Variants in SNRNP70 observed in about 807,000 individuals in gnomAD.
SNRNP70 encodes small nuclear ribonucleoprotein U1 subunit 70, also known as U1 small nuclear ribonucleoprotein 70 kDa.
A neutral mutation model predicts 50.5 loss-of-function variants in SNRNP70; 8 were observed. That is an observed-to-expected ratio of 0.16 (90% CI 0.09 to 0.29). The LOEUF is 0.29. SNRNP70 is among the 10% of genes least tolerant of loss of function. SNRNP70 has a pLI of 1.00. For missense variants in SNRNP70, 529 were observed against 663.5 expected (o/e 0.80, Z 2.23); for synonymous variants, 320 against 252.9 (o/e 1.27, Z -2.52).
chr19:49,100,430 C>T (rs535615942), intron 6 of SNRNP70, among the ~76,000 whole-genome samples: 5 of 152,302 alleles, frequency 3.3e-5, no homozygotes, highest in Admixed American at 1.3e-4. Flanking sequence ...CTGCCATCCT[C>T]GGGATGGGAC....
chr19:49,105,859 G>A (rs188471432), intron 8 of SNRNP70, among the ~76,000 whole-genome samples: 32 of 152,328 alleles, frequency 2.1e-4, no homozygotes, highest in African/African-American at 6.0e-4. Context: ...CTGGCCCAGC[G>A]CAGCAGGCCA....
At chr19:49,101,788 G>T (rs2040591271) in intron 7 of SNRNP70, 1 of 410,216 alleles carries the variant, frequency 2.4e-6, no homozygotes, top group Non-Finnish European at 4.6e-6. Context: ...TCGGATTTTG[G>T]GGGAACCTCC....
At chr19:49,106,233 C>T (rs1404100744) in intron 8 of SNRNP70, among the ~76,000 whole-genome samples, 3 of 152,104 alleles carry the variant, frequency 2.0e-5, no homozygotes, top group Non-Finnish European at 2.9e-5. Context: ...CCTGTTGGGG[C>T]GGGAAAATGC....
Position 49,086,385 on chromosome 19 carries a change from T to A in SNRNP70, c.-10-20T>A, listed in dbSNP as rs369615058. The A allele has an allele frequency of 1.8e-5, 29 of 1,607,792 alleles. No homozygotes were observed. Among genetic ancestry groups the A allele is most frequent in the African/African-American group, 1.3e-5 (1 of 74,848 alleles). Reference sequence around the variant, plus strand: ...GTGCAGACCCGATCTAACCTAAGGCTGTCCTGCTTCTGCTCTCAGACTTGG... The same window carrying A: ...GTGCAGACCCGATCTAACCTAAGGCAGTCCTGCTTCTGCTCTCAGACTTGG... On this transcript the variant is annotated intron_variant, in intron 1 of 9. Transcript: ENST00000598441.
intron 4 of SNRNP70, among the ~76,000 whole-genome samples, chr19:49,090,962 C>A (rs527877224): frequency 2.2e-4 from 34 of 152,246 alleles, no homozygotes; most frequent in Non-Finnish European, 2.9e-4. Context: ...ATAAGAGGGT[C>A]AGATGTCAAC....
chr19:49,086,948 G>T (rs2040388717), intron 2 of SNRNP70, among the ~76,000 whole-genome samples: 1 of 151,952 alleles, frequency 6.6e-6, no homozygotes, highest in African/African-American at 2.4e-5. Context: ...TACTTTGGGA[G>T]ACCGAGGCAG....
chr19:49,094,678 G>T (rs143902131), intron 4 of SNRNP70, among the ~76,000 whole-genome samples: 1 of 152,324 alleles, frequency 6.6e-6, no homozygotes, highest in East Asian at 1.9e-4. Context: ...CTGTGCCCTT[G>T]AGAGCCTCCA....
intron 4 of SNRNP70, 133 bp from the exon 5 acceptor site, chr19:49,098,294 C>T: frequency 1.4e-6 from 1 of 732,128 alleles, no homozygotes; most frequent in Non-Finnish European, 2.4e-6. Context: ...TGCCAGGTCA[C>T]CACCCATGTT....
intron 7 of SNRNP70, chr19:49,103,805 T>G (rs2040624780): frequency 6.6e-6 from 1 of 152,468 alleles, no homozygotes; most frequent in Admixed American, 6.6e-5. Flanking sequence ...AGTGAGCCTC[T>G]CCCCCGTCTC....
intron 2 of SNRNP70, 130 bp downstream of exon 2, chr19:49,086,691 G>T: frequency 1.2e-6 from 1 of 850,210 alleles, no homozygotes; most frequent in Non-Finnish European, 1.9e-6. Flanking sequence ...GTGATCCTCA[G>T]TTTCTCTGTT....
chr19:49,108,131 G>C lies in SNRNP70; in HGVS notation c.1002G>C (p.Glu334Asp). 2.6e-6 allele frequency: 4 copies of C among 1,545,204 alleles called. 1 individual carries two copies. In the South Asian group the frequency reaches 4.8e-5, roughly 19 times the overall value. ...DAPPDDGPPG[E>D]LGPDGPDGPE... ...CCCCTGATGATGGGCCTCCAGGGGA[G>C]CTCGGGCCTGACGGCCCTGACGGTC... The change falls in exon 10 of 10, where the codon GAG becomes GAC. Residue 334 changes from glutamate to aspartate, a missense_variant. Transcript: ENST00000598441.
chr19:49,101,194 A>C (rs1259143803), intron 6 of SNRNP70, among the ~76,000 whole-genome samples, 196 bp from the exon 7 acceptor site: 1 of 152,104 alleles, frequency 6.6e-6, no homozygotes, highest in Admixed American at 6.6e-5. Context: ...TCTTAGCTTA[A>C]GTGTCATTTT....
At chr19:49,100,382 A>G (rs556793071) in intron 6 of SNRNP70, among the ~76,000 whole-genome samples, 1 of 152,126 alleles carries the variant, frequency 6.6e-6, no homozygotes, top group South Asian at 2.1e-4. Context: ...GTGTGGCCTC[A>G]TGGACCTCCA....
intron 4 of SNRNP70, among the ~76,000 whole-genome samples, chr19:49,094,941 C>T (rs73046788): frequency 0.12 from 18,194 of 152,282 alleles, 1,337 homozygotes; most frequent in East Asian, 0.21. Flanking sequence ...CCACGACCCA[C>T]TTCCGTTGAG....
chr19:49,102,443 C>T (rs1159942090), intron 7 of SNRNP70: 4 of 284,072 alleles, frequency 1.4e-5, no homozygotes, highest in African/African-American at 2.2e-5. Flanking sequence ...TTCCACCCAG[C>T]CTCTGATGAC....
At chr19:49,102,846 G>C (rs2040607436) in intron 7 of SNRNP70, 2 of 152,716 alleles carry the variant, frequency 1.3e-5, no homozygotes, top group Admixed American at 1.3e-4. Context: ...AAGAGAGAGA[G>C]AGGCCTAGAC....
At chr19:49,102,070 C>A in intron 7 of SNRNP70, 2 of 1,093,036 alleles carry the variant, frequency 1.8e-6, no homozygotes, top group Non-Finnish European at 2.5e-6. Flanking sequence ...TGCGGCGTGT[C>A]CAGGGGCCGC....
rs950774372 is a variant in SNRNP70, at chr19:49,107,345, G to C, written c.578-280G>C. Among the ~76,000 whole-genome samples the C allele has an allele frequency of 1.3e-5, 2 of 152,228 alleles. No individual in the cohort carries two copies. Among genetic ancestry groups the C allele is most frequent in the African/African-American group, 4.8e-5 (2 of 41,460 alleles). Reference sequence around the variant, plus strand: ...TGATTGGAAGGGAGGGTTTTGAGGAGGCTGTGAAGTGCGCTATGGTTAAGA... The same window carrying C: ...TGATTGGAAGGGAGGGTTTTGAGGACGCTGTGAAGTGCGCTATGGTTAAGA... On this transcript the variant is annotated intron_variant, in intron 8 of 9. Coordinates refer to ENST00000598441, the MANE Select transcript of SNRNP70 (RefSeq NM_003089.6). This position sits in a 1 kb window ranked among gnomAD's most constrained non-coding sequence, Gnocchi z 6.0.
At position 49,089,691 on chromosome 19, in the gene SNRNP70, C is replaced by T. The variant is rs1178863542; in HGVS notation, c.148-600C>T. Among the ~76,000 whole-genome samples the T allele has an allele frequency of 2.0e-3, 195 of 98,310 alleles. 1 individual carries two copies. Among genetic ancestry groups the T allele is most frequent in the African/African-American group, 7.2e-3 (186 of 25,848 alleles). 64.5% of individuals were successfully genotyped at this position (98,310 alleles called of 152,430 possible). On this transcript the variant is annotated intron_variant, in intron 2 of 9. Coordinates refer to ENST00000598441, the MANE Select transcript of SNRNP70 (RefSeq NM_003089.6). ...TTTTTTTTTTTTTTTGAGACGGAAT[C>T]TTGCTCTGTTGTGCAGGCTGGAGTG... is the stretch of plus-strand genomic sequence containing the variant.
Sources: gnomAD v4.1 joint callset for allele counts (sites outside exome capture counted in the v4.1 genomes callset) on GRCh38, gnomAD v4.1.1 for gene constraint, Gnocchi (gnomAD v3.1) non-coding constraint, MANE v1.5 for transcripts, NCBI Gene and HGNC (gene_info 2026-07-23, HGNC 2026-07-21) for gene names.